Variants in ERC2 observed in about 807,000 individuals in gnomAD.
ERC2 encodes the protein ERC protein 2.
A neutral mutation model predicts 114.8 loss-of-function variants in ERC2; 42 were observed. The observed-to-expected ratio is 0.37, with a 90% CI of 0.29 to 0.47. The LOEUF is 0.47. Ranked by LOEUF, ERC2 falls within the 20% of genes least tolerant of loss-of-function variation. The probability of loss-of-function intolerance (pLI) is 0.99; values close to 1 mark genes in which losing one functional copy is unlikely to be tolerated. For missense variants in ERC2, 939 were observed against 1,150.7 expected, an observed-to-expected ratio of 0.82 and a Z score of 2.66; for synonymous variants, 454 against 425.5, an observed-to-expected ratio of 1.07 and a Z score of -0.82.
chr3:55,975,107 A>G (rs760730632), intron 12 of ERC2, among the ~76,000 whole-genome samples: 2 of 152,126 alleles, frequency 1.3e-5, no homozygotes, highest in East Asian at 1.9e-4. Context: ...AAGAGTGGAC[A>G]AGTTACTTAA....
chr3:55,706,086 C>A (rs815433), intron 15 of ERC2, among the ~76,000 whole-genome samples: 1 of 151,580 alleles, frequency 6.6e-6, no homozygotes, highest in South Asian at 2.1e-4. Flanking sequence ...AGGGAGCTCA[C>A]GCCCCTGAAA....
chr3:56,412,509 G>T (rs1239719673), intron 2 of ERC2, among the ~76,000 whole-genome samples: 1 of 152,226 alleles, frequency 6.6e-6, no homozygotes, highest in African/African-American at 2.4e-5. Context: ...CAAGGGGTTT[G>T]TGGCAGAGCC....
chr3:56,171,217 C>T (rs576474119), intron 4 of ERC2, among the ~76,000 whole-genome samples: 54 of 152,188 alleles, frequency 3.5e-4, no homozygotes, highest in Non-Finnish European at 7.1e-4. Context: ...ACAATATGAG[C>T]TTCCAATATT....
chr3:56,009,829 G>T (rs2072776692), intron 9 of ERC2, among the ~76,000 whole-genome samples: 1 of 152,278 alleles, frequency 6.6e-6, no homozygotes, highest in Non-Finnish European at 1.5e-5. Context: ...TTTCTTCAAA[G>T]TATAAGATTT....
At chr3:55,957,144 G>T (rs1396616567) in intron 12 of ERC2, among the ~76,000 whole-genome samples, 1 of 152,158 alleles carries the variant, frequency 6.6e-6, no homozygotes, top group Non-Finnish European at 1.5e-5. Flanking sequence ...ACGTCCTGGA[G>T]GGAAAGACAA....
intron 14 of ERC2, among the ~76,000 whole-genome samples, chr3:55,779,814 A>G (rs1485301629): frequency 6.6e-6 from 1 of 152,240 alleles, no homozygotes; most frequent in East Asian, 1.9e-4. Flanking sequence ...CTTCTTTATC[A>G]GTGGTACACA....
At chr3:56,247,706 A>G (rs2051813531) in intron 3 of ERC2, among the ~76,000 whole-genome samples, 1 of 152,230 alleles carries the variant, frequency 6.6e-6, no homozygotes, top group Non-Finnish European at 1.5e-5. Flanking sequence ...AACTGGGTAA[A>G]GGAATGTCGG....
intron 13 of ERC2, among the ~76,000 whole-genome samples, chr3:55,945,581 T>C (rs1339190467): frequency 6.6e-6 from 1 of 152,230 alleles, no homozygotes; most frequent in African/African-American, 2.4e-5. Context: ...TGTTGTTTGT[T>C]ACACTTCCTC....
At chr3:55,946,754 T>G (rs1290852431) in intron 13 of ERC2, among the ~76,000 whole-genome samples, 1 of 152,154 alleles carries the variant, frequency 6.6e-6, no homozygotes, top group African/African-American at 2.4e-5. Context: ...CATCCTTCCC[T>G]TCCTGTTCTC....
At chr3:56,168,183 G>A (rs113868812) in intron 4 of ERC2, among the ~76,000 whole-genome samples, 4 of 152,260 alleles carry the variant, frequency 2.6e-5, no homozygotes, top group Middle Eastern at 3.4e-3. Context: ...TCTCTAACCC[G>A]TAGCTTTCTC....
intron 3 of ERC2, among the ~76,000 whole-genome samples, chr3:56,273,650 A>G (rs1254832790): frequency 6.6e-6 from 1 of 152,090 alleles, no homozygotes; most frequent in Non-Finnish European, 1.5e-5. Flanking sequence ...TTTGGGGGTA[A>G]TGATTTGTAT....
chr3:55,549,411 C>T (rs571467274), intron 17 of ERC2, among the ~76,000 whole-genome samples: 2 of 151,950 alleles, frequency 1.3e-5, no homozygotes, highest in African/African-American at 4.8e-5. Flanking sequence ...GTCTCCCAGG[C>T]AGCTCTCCGA....
At chr3:56,296,914 A>G (rs1370618779) in intron 2 of ERC2, among the ~76,000 whole-genome samples, 2 of 152,202 alleles carry the variant, frequency 1.3e-5, no homozygotes, top group East Asian at 3.8e-4. Flanking sequence ...GTAGACACAA[A>G]CAAAGACTTT....
intron 2 of ERC2, among the ~76,000 whole-genome samples, chr3:56,326,539 T>C (rs894148570): frequency 6.6e-6 from 1 of 152,222 alleles, no homozygotes; most frequent in African/African-American, 2.4e-5. Flanking sequence ...AGAACCACCT[T>C]GAATTACTTA....
intron 13 of ERC2, among the ~76,000 whole-genome samples, chr3:55,892,044 C>T (rs62253664): frequency 0.099 from 15,010 of 152,202 alleles, 898 homozygotes; most frequent in South Asian, 0.16. Flanking sequence ...GCTCCTTCAT[C>T]TTTCTCAGCT....
At chr3:55,871,754 T>C (rs1183503874) in intron 14 of ERC2, among the ~76,000 whole-genome samples, 1 of 152,202 alleles carries the variant, frequency 6.6e-6, no homozygotes, top group African/African-American at 2.4e-5. Context: ...AGTGGTGTAA[T>C]CCTTCTGATT....
intron 4 of ERC2, among the ~76,000 whole-genome samples, chr3:56,165,860 T>C (rs2082298074): frequency 6.6e-6 from 1 of 152,024 alleles, no homozygotes; most frequent in Admixed American, 6.6e-5. Flanking sequence ...GACTCGATTA[T>C]GGTACTTGTG....
At chr3:56,002,730 T>C (rs1420651597) in intron 10 of ERC2, among the ~76,000 whole-genome samples, 1 of 152,114 alleles carries the variant, frequency 6.6e-6, no homozygotes, top group South Asian at 2.1e-4. Flanking sequence ...AAACAGATAT[T>C]GAATTGTTTG....
At chr3:55,753,134 G>A (rs1017537328) in intron 14 of ERC2, among the ~76,000 whole-genome samples, 2 of 152,096 alleles carry the variant, frequency 1.3e-5, no homozygotes, top group African/African-American at 4.8e-5. Flanking sequence ...GAACTCGGTG[G>A]GCAGAGCAGA....
Sources: gnomAD v4.1 joint callset for allele counts (sites outside exome capture counted in the v4.1 genomes callset) on GRCh38, gnomAD v4.1.1 for gene constraint, MANE v1.5 for transcripts, NCBI Gene and HGNC (gene_info 2026-07-23, HGNC 2026-07-21) for gene names.